GDPD4: variants seen among roughly 807,000 people sequenced by gnomAD.
The protein encoded by GDPD4 is glycerophosphodiester phosphodiesterase domain containing 4.
Under a neutral mutation model 67.8 loss-of-function variants are expected in GDPD4, and 60 were observed. The ratio of observed to expected loss-of-function variants is 0.88; its 90% CI spans 0.72 to 1.10. The LOEUF is 1.10. GDPD4 is among the 50% of genes least tolerant of loss of function. The probability of loss-of-function intolerance (pLI) is 0.00; values close to 1 mark genes in which losing one functional copy is unlikely to be tolerated. For missense variants in GDPD4, 623 were observed against 613.9 expected (o/e 1.01, Z -0.16); for synonymous variants, 212 against 210.9 (o/e 1.00, Z -0.04).
chr11:77,220,867 T>C (rs1958211606), intron 16 of GDPD4, among the ~76,000 whole-genome samples: 1 of 152,196 alleles, frequency 6.6e-6, no homozygotes, highest in African/African-American at 2.4e-5. Context: ...CTCTTAATTA[T>C]TGCCTCAATT....
chr11:77,231,488 C>A (rs780430027), intron 14 of GDPD4, among the ~76,000 whole-genome samples: 1 of 152,194 alleles, frequency 6.6e-6, no homozygotes, highest in Non-Finnish European at 1.5e-5. Flanking sequence ...TAAAATGACA[C>A]ATGGCATAGG....
At chr11:77,263,360 T>C (rs1014531750) in intron 10 of GDPD4, among the ~76,000 whole-genome samples, 1 of 152,070 alleles carries the variant, frequency 6.6e-6, no homozygotes, top group Non-Finnish European at 1.5e-5. Context: ...AAAAGACATA[T>C]GCTTTACACA....
intron 8 of GDPD4, among the ~76,000 whole-genome samples, chr11:77,269,613 T>C (rs1959196271): frequency 6.6e-6 from 1 of 152,204 alleles, no homozygotes; most frequent in African/African-American, 2.4e-5. Flanking sequence ...TCCTGCTGCT[T>C]ATATCAACCT....
At chr11:77,239,692 G>A (rs557756468) in intron 13 of GDPD4, among the ~76,000 whole-genome samples, 37 of 152,244 alleles carry the variant, frequency 2.4e-4, no homozygotes, top group African/African-American at 7.9e-4. Context: ...GGGTGCGGTG[G>A]CTCACACCTT....
intron 10 of GDPD4, among the ~76,000 whole-genome samples, chr11:77,264,024 C>A (rs1813523108): frequency 6.6e-6 from 1 of 152,122 alleles, no homozygotes; most frequent in Non-Finnish European, 1.5e-5. Flanking sequence ...AACATTTCTT[C>A]AGGATCTGTG....
intron 16 of GDPD4, among the ~76,000 whole-genome samples, chr11:77,223,594 T>G (rs1187495658): frequency 6.6e-6 from 1 of 152,178 alleles, no homozygotes; most frequent in Non-Finnish European, 1.5e-5. Context: ...CCTGGCTGTA[T>G]GACCTGTCAG....
At chr11:77,220,614 T>G (rs1958207929) in intron 16 of GDPD4, among the ~76,000 whole-genome samples, 1 of 152,174 alleles carries the variant, frequency 6.6e-6, no homozygotes, top group Non-Finnish European at 1.5e-5. Context: ...TGCCAGTATT[T>G]TATTGAGGAT....
chr11:77,280,052 A>T (rs1959688425), intron 3 of GDPD4, among the ~76,000 whole-genome samples: 1 of 152,210 alleles, frequency 6.6e-6, no homozygotes, highest in Non-Finnish European at 1.5e-5. Context: ...CACTAGTAAG[A>T]ATTATAAAGG....
intron 13 of GDPD4, among the ~76,000 whole-genome samples, chr11:77,241,841 G>A (rs1258801883): frequency 6.6e-6 from 1 of 151,948 alleles, no homozygotes; most frequent in African/African-American, 2.4e-5. Context: ...CCTGAGGCAG[G>A]AGAACTGCTT....
chr11:77,240,825 C>T (rs1385962153), intron 13 of GDPD4, among the ~76,000 whole-genome samples: 1 of 152,260 alleles, frequency 6.6e-6, no homozygotes, highest in Non-Finnish European at 1.5e-5. Context: ...GAAGAAAACA[C>T]TCAATATCAC....
intron 11 of GDPD4, among the ~76,000 whole-genome samples, chr11:77,248,594 T>C (rs1958827086): frequency 6.6e-6 from 1 of 152,190 alleles, no homozygotes; most frequent in South Asian, 2.1e-4. Flanking sequence ...CTACAACCAC[T>C]TAAGTAGTGG....
chr11:77,273,847 T>C (rs1230285690), intron 5 of GDPD4, among the ~76,000 whole-genome samples: 2 of 152,198 alleles, frequency 1.3e-5, no homozygotes, highest in Non-Finnish European at 2.9e-5. Flanking sequence ...ACTCCCTATA[T>C]CGTGTTCTCT....
At chr11:77,261,229 TG>T (rs952630238) in intron 10 of GDPD4, among the ~76,000 whole-genome samples, 4 of 152,072 alleles carry the variant, frequency 2.6e-5, no homozygotes, top group African/African-American at 9.7e-5. Context: ...GAAGATGCTT[TG>T]GGCCTAACAT....
At chr11:77,280,918 C>A (rs1230439674) in intron 3 of GDPD4, among the ~76,000 whole-genome samples, 1 of 152,206 alleles carries the variant, frequency 6.6e-6, no homozygotes, top group African/African-American at 2.4e-5. Context: ...AAGGAAGTCT[C>A]CTTTCTTGGC....
At chr11:77,235,570 A>G (rs1036874641) in intron 13 of GDPD4, among the ~76,000 whole-genome samples, 3 of 152,248 alleles carry the variant, frequency 2.0e-5, no homozygotes, top group Non-Finnish European at 4.4e-5. Flanking sequence ...AAGCAATTCA[A>G]TGGAAGAAAG....
chr11:77,279,699 C>T (rs1672415127), intron 3 of GDPD4, among the ~76,000 whole-genome samples: 1 of 151,780 alleles, frequency 6.6e-6, no homozygotes, highest in African/African-American at 2.4e-5. Flanking sequence ...TTTGGGAATA[C>T]CGGAAGAGAA....
intron 10 of GDPD4, among the ~76,000 whole-genome samples, chr11:77,263,050 G>A (rs1418978529): frequency 6.6e-6 from 1 of 151,752 alleles, no homozygotes; most frequent in Non-Finnish European, 1.5e-5. Flanking sequence ...CAAAAATGAA[G>A]GGAAAATTAA....
At chr11:77,283,851 ATTTT>A (rs71272229) in intron 3 of GDPD4, among the ~76,000 whole-genome samples, 5 of 124,534 alleles carry the variant, frequency 4.0e-5, no homozygotes, top group Admixed American at 1.7e-4. Flanking sequence ...GACATAATGA[ATTTT>A]TTTTTTTTTT....
intron 10 of GDPD4, among the ~76,000 whole-genome samples, chr11:77,258,985 TTTTG>T (rs1213043847): frequency 6.6e-6 from 1 of 152,130 alleles, no homozygotes; most frequent in Non-Finnish European, 1.5e-5. Context: ...TTTGCTTGGT[TTTTG>T]TTTTTGTTTT....
Sources: gnomAD v4.1 joint callset for allele counts (sites outside exome capture counted in the v4.1 genomes callset) on GRCh38, gnomAD v4.1.1 for gene constraint, MANE v1.5 for transcripts, NCBI Gene and HGNC (gene_info 2026-07-23, HGNC 2026-07-21) for gene names.